The following SLC28A3 variants were observed in gnomAD, a reference collection of about 807,000 sequenced individuals.
SLC28A3 encodes solute carrier family 28 member 3.
In SLC28A3, 68 loss-of-function variants were observed where a neutral mutation model predicts 84.2. The observed-to-expected ratio is 0.81, with a 90% CI of 0.66 to 0.99. The LOEUF (loss-of-function observed/expected upper bound fraction) is 0.99, where lower values mean the gene tolerates loss of function less well. Ranked by LOEUF, SLC28A3 falls within the 50% of genes least tolerant of loss-of-function variation. The probability of loss-of-function intolerance (pLI) is 0.00; values close to 1 mark genes in which losing one functional copy is unlikely to be tolerated. For missense variants in SLC28A3, 712 were observed against 841.5 expected (o/e 0.85, Z 1.90); for synonymous variants, 267 against 303.6 (o/e 0.88, Z 1.25).
chr9:84,308,862 C>T (rs761075590), intron 3 of SLC28A3, among the ~76,000 whole-genome samples: 3 of 152,160 alleles, frequency 2.0e-5, no homozygotes, highest in Non-Finnish European at 2.9e-5. Context: ...ACTAATCTTG[C>T]GTCTCCTACC....
chr9:84,315,142 T>A (rs950115723), intron 1 of SLC28A3, among the ~76,000 whole-genome samples: 1 of 152,176 alleles, frequency 6.6e-6, no homozygotes, highest in South Asian at 2.1e-4. Context: ...GATGACAGAA[T>A]GTTGCTAATT....
chr9:84,299,352 C>T (rs1463621036), intron 6 of SLC28A3, among the ~76,000 whole-genome samples: 2 of 152,004 alleles, frequency 1.3e-5, no homozygotes, highest in Non-Finnish European at 2.9e-5. Context: ...AGGGAGAGAA[C>T]GTCTCACTGG....
intron 17 of SLC28A3, 143 bp from the exon 18 acceptor site, chr9:84,278,487 G>C: frequency 2.9e-6 from 3 of 1,037,646 alleles, no homozygotes; most frequent in South Asian, 2.0e-5. Flanking sequence ...AAAGGACAGA[G>C]ACACTGGGGA....
intron 5 of SLC28A3, among the ~76,000 whole-genome samples, chr9:84,300,616 G>A (rs1825592030): frequency 6.6e-6 from 1 of 152,198 alleles, no homozygotes; most frequent in Non-Finnish European, 1.5e-5. Context: ...AATTTTCCTG[G>A]TAGATCCCAC....
intron 2 of SLC28A3, among the ~76,000 whole-genome samples, chr9:84,312,125 T>G (rs561415327): frequency 5.3e-4 from 81 of 152,364 alleles, no homozygotes; most frequent in African/African-American, 1.9e-3. Flanking sequence ...TTCATTCACC[T>G]ACTGAAGGAC....
chr9:84,299,588 G>T lies in SLC28A3; in HGVS notation c.662C>A (p.Pro221Gln), dbSNP rs11140503. The stretch of plus-strand genomic sequence containing the variant: ...GATCAACTGGATACTTACTCTGGTT[G>T]GGTACTTGGAAAATAGAAATAACAG... The part of the protein sequence containing the change: ...IVLLFLFSKY[P>Q]TRVYWRPVLW... Residue 221 changes from proline to glutamine, a missense_variant, in exon 6 of 18, where the codon CCA (proline) becomes CAA (glutamine). Transcript: ENST00000376238. 1.3e-4 allele frequency: 213 copies of T among 1,613,864 alleles called. 1 individual carries two copies. In the East Asian group the frequency reaches 4.5e-3, roughly 34 times the overall value.
chr9:84,356,019 A>G, the SLC28A3 span, among the ~76,000 whole-genome samples: 1 of 151,952 alleles, frequency 6.6e-6, no homozygotes, highest in South Asian at 2.1e-4. Flanking sequence ...GGGTTTCACC[A>G]TATTGTCCAG....
intron 5 of SLC28A3, among the ~76,000 whole-genome samples, chr9:84,301,340 ACTCTGTCTC>A (rs1825625238): frequency 8.5e-6 from 1 of 118,120 alleles, no homozygotes; most frequent in Non-Finnish European, 1.6e-5. Flanking sequence ...ACAGAGCAAG[ACTCTGTCTC>A]AAAAAAAAAA....
intron 10 of SLC28A3, 152 bp downstream of exon 10, chr9:84,292,516 C>T (rs1825273230): frequency 3.5e-6 from 2 of 563,606 alleles, no homozygotes; most frequent in African/African-American, 3.9e-5. Context: ...TCTTCTCCCC[C>T]TGGAATCCGG....
intron 1 of SLC28A3, among the ~76,000 whole-genome samples, chr9:84,331,637 C>T (rs1449658050): frequency 6.6e-6 from 1 of 152,190 alleles, no homozygotes; most frequent in Admixed American, 6.5e-5. Flanking sequence ...AAGTGAGTTC[C>T]ACCCAACTAA....
the SLC28A3 span, among the ~76,000 whole-genome samples, chr9:84,361,188 C>G: frequency 2.0e-5 from 3 of 151,784 alleles, no homozygotes; most frequent in Non-Finnish European, 4.4e-5. Flanking sequence ...TACTAAAATA[C>G]AAAAAAATTA....
intron 1 of SLC28A3, 81 bp downstream of exon 1, chr9:84,340,493 G>T: frequency 7.0e-7 from 1 of 1,425,080 alleles, no homozygotes; most frequent in Non-Finnish European, 9.9e-7. Flanking sequence ...TCCCTGCTTA[G>T]GTAAGAAACT....
rs1161225412 is a variant in SLC28A3 at position 84,276,228 on chromosome 9, C to T, written c.*1990G>A. 1 of 152,006 alleles carries T rather than the reference C, an allele frequency of 6.6e-6. No homozygotes were observed. The highest frequency in any genetic ancestry group is 1.5e-5 in the Non-Finnish European group (1 of 68,016). 9.4% of individuals were successfully genotyped at this position (152,006 alleles called of 1,614,324 possible). On this transcript the variant is annotated 3_prime_UTR_variant, in exon 18 of 18. Coordinates refer to ENST00000376238, the MANE Select transcript of SLC28A3 (RefSeq NM_001199633.2). ...TATCAGTAAAACTTTAGTGTCTCAA[C>T]TGAGATATGCAAACCAGACAGACTT...
chr9:84,288,239 A>G, intron 11 of SLC28A3, 61 bp from the exon 12 acceptor site: 1 of 1,606,258 alleles, frequency 6.2e-7, no homozygotes, highest in Non-Finnish European at 8.5e-7. Context: ...GTTCAGAGGA[A>G]GGGTCCAAGA....
intron 3 of SLC28A3, among the ~76,000 whole-genome samples, chr9:84,306,585 T>G (rs1176403242): frequency 2.0e-5 from 3 of 152,146 alleles, no homozygotes; most frequent in African/African-American, 7.2e-5. Context: ...TTATCTAGGC[T>G]GAATAATTCC....
chr9:84,295,979 A>G (rs1484750533), intron 8 of SLC28A3, among the ~76,000 whole-genome samples: 1 of 152,194 alleles, frequency 6.6e-6, no homozygotes, highest in Non-Finnish European at 1.5e-5. Context: ...TGAAAGCTTG[A>G]GGGAGTTAAA....
At chr9:84,290,841 A>C (rs1481239910) in intron 10 of SLC28A3, among the ~76,000 whole-genome samples, 1 of 151,904 alleles carries the variant, frequency 6.6e-6, no homozygotes, top group Admixed American at 6.6e-5. Flanking sequence ...AAAAACAAAC[A>C]AACAAACAAA....
the SLC28A3 span, among the ~76,000 whole-genome samples, chr9:84,361,749 A>G: frequency 1.4e-5 from 2 of 145,708 alleles, no homozygotes; most frequent in African/African-American, 5.0e-5. Context: ...TCAGCTGTGG[A>G]AAAAAAAAAA....
intron 10 of SLC28A3, among the ~76,000 whole-genome samples, chr9:84,291,554 T>C (rs1825223834): frequency 6.6e-6 from 1 of 152,196 alleles, no homozygotes; most frequent in African/African-American, 2.4e-5. Context: ...CAGGCTGGTC[T>C]CAAACTCCCG....
Sources: gnomAD v4.1 joint callset for allele counts (sites outside exome capture counted in the v4.1 genomes callset) on GRCh38, gnomAD v4.1.1 for gene constraint, MANE v1.5 for transcripts, NCBI Gene and HGNC (gene_info 2026-07-23, HGNC 2026-07-21) for gene names.